Variants in DLX1 observed in about 807,000 individuals in gnomAD.
DLX1 encodes the protein distal-less homeobox 1.
A neutral mutation model predicts 25.0 loss-of-function variants in DLX1; 7 were observed. The observed-to-expected ratio is 0.28, with a 90% CI of 0.16 to 0.52. The LOEUF (loss-of-function observed/expected upper bound fraction) is 0.52, where lower values mean the gene tolerates loss of function less well. DLX1 is among the 20% of genes least tolerant of loss of function. DLX1 has a pLI of 0.96. For missense variants in DLX1, 233 were observed against 334.4 expected, an observed-to-expected ratio of 0.70 and a Z score of 2.37; for synonymous variants, 155 against 140.3, an observed-to-expected ratio of 1.10 and a Z score of -0.74.
intron 1 of DLX1, 46 bp from the exon 2 acceptor site, chr2:172,086,608 C>T: frequency 6.7e-7 from 1 of 1,493,378 alleles, no homozygotes; most frequent in Non-Finnish European, 9.0e-7. Context: ...GCACTAAAGG[C>T]GGCCCCTCGT....
intron 2 of DLX1, chr2:172,087,542 A>T (rs74659040): frequency 8.7e-6 from 4 of 460,998 alleles, no homozygotes; most frequent in South Asian, 6.2e-5. Flanking sequence ...TCCCAACTCA[A>T]GGGCAGAAAA....
At chr2:172,087,393 C>T in intron 2 of DLX1, 1 of 408,410 alleles carries the variant, frequency 2.4e-6, no homozygotes, top group Non-Finnish European at 4.9e-6. Flanking sequence ...CGTGAGCGTT[C>T]CTGACGGCGG....
chr2:172,088,248 A>G lies in DLX1; in HGVS notation c.759A>G (p.Gln253=), dbSNP rs770608566. 8.1e-6 allele frequency: 12 copies of G among 1,488,280 alleles called. No homozygotes were observed. Among genetic ancestry groups the G allele is most frequent in the Admixed American group, 4.5e-5 (2 of 44,458 alleles). The allele number at this position is 1,488,280 out of a possible 1,614,324, so 92.2% of individuals were successfully genotyped here. A position where few individuals can be genotyped will look rare whatever the true frequency, so the allele number is the denominator to read the frequency against. The change falls in exon 3 of 3, where the codon CAA becomes CAG. Residue 253 remains glutamine, a synonymous_variant. Transcript: ENST00000361725. ...SAHQEAMQQP[Q]LM ...ACCAAGAAGCTATGCAGCAACCCCA[A>G]CTTATGTGAGGTTGCCCGCCCGTCT...
intron 2 of DLX1, chr2:172,087,504 A>G: frequency 2.2e-6 from 1 of 458,598 alleles, no homozygotes; most frequent in Non-Finnish European, 4.4e-6. Context: ...AGAGAAGTTC[A>G]GCAAAACCTT....
intron 2 of DLX1, chr2:172,087,410 C>T: frequency 2.5e-6 from 1 of 395,562 alleles, no homozygotes; most frequent in Non-Finnish European, 5.1e-6. Context: ...GCGGCGGGCG[C>T]GGGTTTCCGA....
Position 172,088,167 on chromosome 2 carries a change from A to C in DLX1, c.678A>C (p.Ser226=). The part of the protein sequence containing the change: ...WNPNSSSGKG[S]GGNAGSYIPS... Reference sequence around the variant, plus strand: ...CTAACTCTTCATCCGGGAAGGGCTCAGGAGGAAACGCGGGCTCCTATATCC... The same window carrying C: ...CTAACTCTTCATCCGGGAAGGGCTCCGGAGGAAACGCGGGCTCCTATATCC... Residue 226 remains serine, a synonymous_variant, in exon 3 of 3, where the codon TCA becomes TCC. Transcript: ENST00000361725. 1 of 1,610,708 alleles carries C rather than the reference A, an allele frequency of 6.2e-7. No individual in the cohort carries two copies. The highest frequency in any genetic ancestry group is 2.2e-5 in the East Asian group (1 of 44,476).
At chr2:172,086,346 T>A (rs1690838829) in intron 1 of DLX1, 5 of 470,548 alleles carry the variant, frequency 1.1e-5, no homozygotes, top group Non-Finnish European at 1.9e-5. Context: ...CGGTAATTAT[T>A]TATTGCGTAG....
In DLX1 at chr2:172,088,155, C is replaced by T. The variant is rs374088146; in HGVS notation, c.666C>T (p.Ser222=). ...VPPGWNPNSS[S]GKGSGGNAGS... ...CCGGCTGGAACCCTAACTCTTCATCCGGGAAGGGCTCAGGAGGAAACGCGG... is the reference window on the plus strand; with the variant it reads ...CCGGCTGGAACCCTAACTCTTCATCTGGGAAGGGCTCAGGAGGAAACGCGG... Residue 222 remains serine (S), a synonymous_variant, in exon 3 of 3, where the codon TCC becomes TCT. Coordinates refer to ENST00000361725, the MANE Select transcript of DLX1 (RefSeq NM_178120.5). The T allele has an allele frequency of 4.0e-5, 64 of 1,610,666 alleles. No homozygotes were observed. Among genetic ancestry groups the T allele is most frequent in the Non-Finnish European group, 5.3e-5 (63 of 1,178,280 alleles).
chr2:172,086,604 A>C (rs763350380), intron 1 of DLX1, 50 bp from the exon 2 acceptor site: 1 of 1,497,986 alleles, frequency 6.7e-7, no homozygotes, highest in Non-Finnish European at 8.9e-7. Context: ...GTTCGCACTA[A>C]AGGCGGCCCC....
rs1215230348 is a variant in DLX1 at position 172,088,123 on chromosome 2, G to T, written c.634G>T (p.Val212Leu). ...GGCCCTGTCTGCTGGCTCCCCACCC[G>T]TGCCGCCCGGCTGGAACCCTAACTC... is the stretch of plus-strand genomic sequence containing the variant. The part of the protein sequence containing the change: ...GRALSAGSPP[V>L]PPGWNPNSSS... Residue 212 changes from valine (V) to leucine (L), a missense_variant, in exon 3 of 3, where the codon GTG becomes TTG. This residue lies in a region of DLX1 where 84 missense variants were observed against 81.8 expected (regional missense o/e 1.03). Coordinates refer to ENST00000361725, the MANE Select transcript of DLX1 (RefSeq NM_178120.5). 2 of 1,608,730 alleles carry T rather than the reference G, an allele frequency of 1.2e-6. No individual in the cohort carries two copies. The highest frequency in any genetic ancestry group is 8.5e-7 in the Non-Finnish European group (1 of 1,177,382).
chr2:172,086,927 T>C, intron 2 of DLX1, 74 bp downstream of exon 2: 1 of 1,493,950 alleles, frequency 6.7e-7, no homozygotes, highest in Non-Finnish European at 9.3e-7. Context: ...CTTCATTTGT[T>C]GCTCGCTGGG....
At position 172,088,115 on chromosome 2, in the gene DLX1, C is replaced by A; in HGVS notation, c.626C>A (p.Ser209Tyr). ...AACGGTCGGGCCCTGTCTGCTGGCTCCCCACCCGTGCCGCCCGGCTGGAAC... is the reference window on the plus strand; with the variant it reads ...AACGGTCGGGCCCTGTCTGCTGGCTACCCACCCGTGCCGCCCGGCTGGAAC... ...LANGRALSAG[S>Y]PPVPPGWNPN... The change falls in exon 3 of 3, where the codon TCC (serine) becomes TAC (tyrosine). Residue 209 changes from serine (S) to tyrosine (Y), a missense_variant. By Grantham distance (144) the Ser-to-Tyr change is moderately radical. Transcript: ENST00000361725. 6.2e-7 allele frequency: 1 copy of A among 1,608,280 alleles called. No homozygotes were observed.
intron 2 of DLX1, 72 bp downstream of exon 2, chr2:172,086,925 G>A: frequency 2.0e-6 from 3 of 1,508,546 alleles, no homozygotes; most frequent in Non-Finnish European, 2.8e-6. Context: ...GTCTTCATTT[G>A]TTGCTCGCTG....
chr2:172,088,044 G>T lies in DLX1; in HGVS notation c.555G>T (p.Lys185Asn). ...WFQNKRSKFK[K>N]LMKQGGAALE... ...AAAACAAGCGATCCAAGTTCAAGAA[G>T]CTGATGAAGCAGGGTGGGGCGGCTC... The change falls in exon 3 of 3, where the codon AAG (lysine) becomes AAT (asparagine). Residue 185 changes from lysine (K) to asparagine (N), a missense_variant. Transcript: ENST00000361725. 6.5e-7 allele frequency: 1 copy of T among 1,529,548 alleles called. No homozygotes were observed. 94.7% of individuals were successfully genotyped at this position (1,529,548 alleles called of 1,614,324 possible). A position where few individuals can be genotyped will look rare whatever the true frequency, so the allele number is the denominator to read the frequency against.
Position 172,088,538 on chromosome 2 carries a change from C to A in DLX1, c.*281C>A. 2.7e-6 allele frequency: 1 copy of A among 376,648 alleles called. No individual in the cohort carries two copies. Among genetic ancestry groups the A allele is most frequent in the African/African-American group, 2.1e-5 (1 of 48,400 alleles). The allele number at this position is 376,648 out of a possible 1,614,324, so 23.3% of individuals were successfully genotyped here. A position where few individuals can be genotyped will look rare whatever the true frequency, so the allele number is the denominator to read the frequency against. ...CCCAAGCAGCAAGATAAACCCGCTC[C>A]ACCCGACCCGCCGACCTTCAGCTTT... On this transcript the variant is annotated 3_prime_UTR_variant, in exon 3 of 3. Coordinates refer to ENST00000361725, the MANE Select transcript of DLX1 (RefSeq NM_178120.5).
At chr2:172,086,507 G>T in intron 1 of DLX1, 147 bp from the exon 2 acceptor site, 1 of 784,250 alleles carries the variant, frequency 1.3e-6, no homozygotes, top group Non-Finnish European at 2.0e-6. Flanking sequence ...GGATTTTGGG[G>T]GACCCTTCCC....
In DLX1 at chr2:172,089,270, C is replaced by G. The variant is rs555525672; in HGVS notation, c.*1013C>G. 1.3e-5 allele frequency: 2 copies of G among 152,162 alleles called. No homozygotes were observed. The highest frequency in any genetic ancestry group is 1.3e-4 in the Admixed American group (2 of 15,276). 9.4% of individuals were successfully genotyped at this position (152,162 alleles called of 1,614,324 possible). A position where few individuals can be genotyped will look rare whatever the true frequency, so the allele number is the denominator to read the frequency against. ...AATTCCAGTGGGCTTTAAAATAAGA[C>G]AAAATCAGCTTTACAACAATCCCTA... On this transcript the variant is annotated 3_prime_UTR_variant, in exon 3 of 3. Transcript: ENST00000361725.
rs1410068637 is a variant in DLX1, at chr2:172,088,948, G to A, written c.*691G>A. ...ACGCACTGTTTACTTTAAGCGCACG[G>A]GGAGAAACGAATAAGGAGGACGTGG... On this transcript the variant is annotated 3_prime_UTR_variant, in exon 3 of 3. Coordinates refer to ENST00000361725, the MANE Select transcript of DLX1 (RefSeq NM_178120.5). The A allele has an allele frequency of 6.6e-6, 1 of 152,176 alleles. No homozygotes were observed. Among genetic ancestry groups the A allele is most frequent in the African/African-American group, 2.4e-5 (1 of 41,398 alleles). The allele number at this position is 152,176 out of a possible 1,614,324, so 9.4% of individuals were successfully genotyped here. A position where few individuals can be genotyped will look rare whatever the true frequency, so the allele number is the denominator to read the frequency against.
chr2:172,088,187 A>G lies in DLX1; in HGVS notation c.698A>G (p.Tyr233Cys). ...GGCTCAGGAGGAAACGCGGGCTCCT[A>G]TATCCCCAGCTACACATCGTGGTAC... ...GKGSGGNAGS[Y>C]IPSYTSWYPS... Residue 233 changes from tyrosine to cysteine, a missense_variant, in exon 3 of 3, where the codon TAT (tyrosine) becomes TGT (cysteine). By Grantham distance (194) the Tyr-to-Cys change is radical (BLOSUM62 -2). Coordinates refer to ENST00000361725, the MANE Select transcript of DLX1 (RefSeq NM_178120.5). 6.2e-7 allele frequency: 1 copy of G among 1,608,978 alleles called. No individual in the cohort carries two copies. Among genetic ancestry groups the G allele is most frequent in the Non-Finnish European group, 8.5e-7 (1 of 1,177,432 alleles).
Sources: allele counts gnomAD v4.1 joint callset, GRCh38; gene constraint gnomAD v4.1.1; regional missense constraint gnomAD v4.1.1; transcripts MANE v1.5; gene names NCBI Gene and HGNC (gene_info 2026-07-23, HGNC 2026-07-21).